SHISA9: variants seen among roughly 807,000 people sequenced by gnomAD.
The protein encoded by SHISA9 is shisa family member 9.
Under a neutral mutation model 38.0 loss-of-function variants are expected in SHISA9, and 13 were observed. The observed-to-expected ratio is 0.34, with a 90% CI of 0.22 to 0.54. The LOEUF is 0.54. SHISA9 is among the 20% of genes least tolerant of loss of function. The pLI, the probability that SHISA9 is intolerant of heterozygous loss-of-function variation, is 0.91. For missense variants in SHISA9, 538 were observed against 575.8 expected, an observed-to-expected ratio of 0.93 and a Z score of 0.67; for synonymous variants, 275 against 242.0, an observed-to-expected ratio of 1.14 and a Z score of -1.27.
intron 2 of SHISA9, among the ~76,000 whole-genome samples, chr16:12,960,413 T>C (rs191477408): frequency 2.6e-5 from 4 of 152,294 alleles, no homozygotes; most frequent in Admixed American, 2.0e-4. Flanking sequence ...ATCCCGTTAG[T>C]GGATATTTAC....
At chr16:13,144,395 C>T (rs1443687858) in intron 2 of SHISA9, among the ~76,000 whole-genome samples, 1 of 152,072 alleles carries the variant, frequency 6.6e-6, no homozygotes, top group East Asian at 1.9e-4. Context: ...TCATGATCTA[C>T]CTGCCTCGGC....
At chr16:13,166,982 T>C (rs938666255) in intron 2 of SHISA9, among the ~76,000 whole-genome samples, 3 of 151,414 alleles carry the variant, frequency 2.0e-5, no homozygotes, top group Non-Finnish European at 4.4e-5. Context: ...AACTTCAAAT[T>C]AAAAAAAAAT....
the SHISA9 span, among the ~76,000 whole-genome samples, chr16:13,333,405 T>G: frequency 1.3e-5 from 2 of 152,152 alleles, no homozygotes; most frequent in Non-Finnish European, 2.9e-5. Flanking sequence ...AGCTCGTCCT[T>G]GGGTGTACAT....
downstream of SHISA9, among the ~76,000 whole-genome samples, chr16:13,243,272 C>T (rs369542420): frequency 2.0e-5 from 3 of 151,716 alleles, no homozygotes; most frequent in East Asian, 5.8e-4. Flanking sequence ...GTTTATTTTG[C>T]TAAGGTCGAG....
At chr16:12,911,120 T>C in intron 1 of SHISA9, 1 of 334,040 alleles carries the variant, frequency 3.0e-6, no homozygotes, top group Non-Finnish European at 4.3e-6. Flanking sequence ...GCTTAGGGTC[T>C]TGTCACTCGG....
At chr16:13,528,658 G>A in the SHISA9 span, among the ~76,000 whole-genome samples, 5 of 152,096 alleles carry the variant, frequency 3.3e-5, no homozygotes, top group East Asian at 1.9e-4. Flanking sequence ...TTGCCTCTTC[G>A]TACATAAATG....
chr16:13,129,606 T>C (rs75100066), intron 2 of SHISA9, among the ~76,000 whole-genome samples: 1 of 152,196 alleles, frequency 6.6e-6, no homozygotes, highest in Non-Finnish European at 1.5e-5. Context: ...TTAGTAAAGA[T>C]GCATACACCC....
the SHISA9 span, among the ~76,000 whole-genome samples, chr16:13,535,799 A>G: frequency 6.6e-6 from 1 of 152,112 alleles, no homozygotes; most frequent in East Asian, 1.9e-4. Flanking sequence ...AACTCTCTTA[A>G]TCAAATAGCT....
chr16:13,456,893 C>T, the SHISA9 span, among the ~76,000 whole-genome samples: 2 of 142,218 alleles, frequency 1.4e-5, no homozygotes, highest in Admixed American at 7.3e-5. Flanking sequence ...ATCCATGACT[C>T]CATGGGGAAA....
At chr16:13,519,695 T>C in the SHISA9 span, among the ~76,000 whole-genome samples, 1 of 152,024 alleles carries the variant, frequency 6.6e-6, no homozygotes, top group Non-Finnish European at 1.5e-5. Context: ...AAACTTACAA[T>C]CATGACAGAA....
intron 2 of SHISA9, among the ~76,000 whole-genome samples, chr16:13,157,510 C>T (rs2142009646): frequency 6.6e-6 from 1 of 152,274 alleles, no homozygotes; most frequent in South Asian, 2.1e-4. Context: ...ACAAAATACC[C>T]ATTTTCGAAG....
chr16:13,381,193 A>T, the SHISA9 span, among the ~76,000 whole-genome samples: 1 of 152,148 alleles, frequency 6.6e-6, no homozygotes, highest in African/African-American at 2.4e-5. Context: ...AGAAGCCCCT[A>T]GATGACAGCT....
At chr16:13,423,346 A>G in the SHISA9 span, among the ~76,000 whole-genome samples, 6 of 152,166 alleles carry the variant, frequency 3.9e-5, no homozygotes, top group African/African-American at 1.4e-4. Context: ...GTTTTATTAC[A>G]AAAGGGAGAT....
chr16:12,909,601 C>T (rs2071152630), intron 1 of SHISA9: 1 of 985,232 alleles, frequency 1.0e-6, no homozygotes, highest in South Asian at 4.7e-5. Flanking sequence ...GTTGCACTGG[C>T]CCTTGTGTGG....
chr16:13,055,962 G>C (rs1391483304), intron 2 of SHISA9, among the ~76,000 whole-genome samples: 1 of 152,210 alleles, frequency 6.6e-6, no homozygotes. Flanking sequence ...GACTGTTGCT[G>C]ATGTCACACA....
intron 2 of SHISA9, among the ~76,000 whole-genome samples, chr16:13,200,409 AACAC>A (rs148088145): frequency 2.0e-4 from 28 of 136,624 alleles, no homozygotes; most frequent in East Asian, 8.5e-4. Context: ...TATATCATGA[AACAC>A]ACACACACAC....
intron 2 of SHISA9, among the ~76,000 whole-genome samples, chr16:13,043,605 C>T (rs1226655018): frequency 6.6e-6 from 1 of 152,194 alleles, no homozygotes; most frequent in East Asian, 1.9e-4. Context: ...ATCTCTACTC[C>T]TGCGGTGGGA....
rs559382632 is a variant in SHISA9 at position 13,017,134 on chromosome 16, T to C, written c.691+100319T>C. ...TCCTAGGTTTAAGTGATTCTCCTGCTTCAGCCTTCCAAGTAGCTGGGATTA... is the reference window on the plus strand; with the variant it reads ...TCCTAGGTTTAAGTGATTCTCCTGCCTCAGCCTTCCAAGTAGCTGGGATTA... On this transcript the variant is annotated intron_variant, in intron 2 of 4. Coordinates refer to ENST00000558583, the MANE Select transcript of SHISA9 (RefSeq NM_001145204.3). Among the ~76,000 whole-genome samples, 22 of 152,046 alleles carry C rather than the reference T, an allele frequency of 1.4e-4. No individual in the cohort carries two copies. In the South Asian group the frequency reaches 4.6e-3, roughly 32 times the overall value.
chr16:13,469,302 C>CAGAGAGAGAG, the SHISA9 span, among the ~76,000 whole-genome samples: 10 of 46,634 alleles, frequency 2.1e-4, no homozygotes, highest in African/African-American at 8.7e-4. Flanking sequence ...GAAAGAAAGA[C>CAGAGAGAGAG]AGAGAGAGAG....
Sources: gnomAD v4.1 joint callset for allele counts (sites outside exome capture counted in the v4.1 genomes callset) on GRCh38, gnomAD v4.1.1 for gene constraint, MANE v1.5 for transcripts, NCBI Gene and HGNC (gene_info 2026-07-23, HGNC 2026-07-21) for gene names.